Variants in ADCY2 observed in about 807,000 individuals in gnomAD.
ADCY2 encodes the protein adenylate cyclase 2, also known as adenylate cyclase type 2.
ADCY2 carries 31 observed loss-of-function variants against 125.2 expected under a neutral mutation model. The ratio of observed to expected loss-of-function variants is 0.25; its 90% CI spans 0.19 to 0.33. The LOEUF (loss-of-function observed/expected upper bound fraction) is 0.33. ADCY2 is among the 10% of genes least tolerant of loss of function. ADCY2 has a pLI of 1.00. For missense variants in ADCY2, 904 were observed against 1,418.2 expected, an observed-to-expected ratio of 0.64 and a Z score of 5.82; for synonymous variants, 512 against 548.4, an observed-to-expected ratio of 0.93 and a Z score of 0.93.
intron 14 of ADCY2, among the ~76,000 whole-genome samples, chr5:7,741,629 C>A (rs147913138): frequency 1.7e-3 from 5 of 2,906 alleles, no homozygotes; most frequent in Non-Finnish European, 1.6e-3. Flanking sequence ...ATCATTATCA[C>A]CATCATCATC....
At position 7,631,900 on chromosome 5, in the gene ADCY2, G is replaced by A. The variant is rs1738322384; in HGVS notation, c.720+5584G>A. Among the ~76,000 whole-genome samples, 3 of 152,150 alleles carry A rather than the reference G, an allele frequency of 2.0e-5. No individual in the cohort carries two copies. The South Asian group carries it at 6.2e-4, about 32-fold the overall frequency. The stretch of plus-strand genomic sequence containing the variant: ...TACCAACCCCATCTCTGCATGTTCA[G>A]TTTACCTTTTGCCAATGAAACGGAC... On this transcript the variant is annotated intron_variant, in intron 4 of 24. Transcript: ENST00000338316.
chr5:7,433,615 T>C (rs1287615472), intron 2 of ADCY2, among the ~76,000 whole-genome samples: 3 of 152,206 alleles, frequency 2.0e-5, no homozygotes, highest in African/African-American at 7.2e-5. Flanking sequence ...TAGATAACTT[T>C]TGTTTTTGTA....
chr5:7,408,826 C>T (rs1739602708), intron 1 of ADCY2, among the ~76,000 whole-genome samples: 1 of 152,128 alleles, frequency 6.6e-6, no homozygotes, highest in Non-Finnish European at 1.5e-5. Flanking sequence ...CGTTACGATT[C>T]CTCAAAGACC....
At chr5:7,438,345 G>T (rs1333964023) in intron 2 of ADCY2, among the ~76,000 whole-genome samples, 1 of 152,206 alleles carries the variant, frequency 6.6e-6, no homozygotes, top group Non-Finnish European at 1.5e-5. Context: ...CCCTCATGGA[G>T]CTTACACTCT....
chr5:7,677,700 T>A (rs1269406674), intron 4 of ADCY2, among the ~76,000 whole-genome samples: 1 of 152,130 alleles, frequency 6.6e-6, no homozygotes, highest in African/African-American at 2.4e-5. Context: ...AGCACAATCA[T>A]GGGATTGTTG....
At chr5:7,724,160 T>C (rs1391497744) in intron 12 of ADCY2, among the ~76,000 whole-genome samples, 1 of 136,638 alleles carries the variant, frequency 7.3e-6, no homozygotes, top group Non-Finnish European at 1.6e-5. Context: ...AGGAACTAGA[T>C]CCTTAAGGAG....
intron 11 of ADCY2, among the ~76,000 whole-genome samples, chr5:7,716,679 T>C (rs1486633771): frequency 2.0e-5 from 3 of 152,184 alleles, no homozygotes; most frequent in Non-Finnish European, 4.4e-5. Context: ...GCTTTTGACA[T>C]CATAGAAAAA....
intron 11 of ADCY2, among the ~76,000 whole-genome samples, chr5:7,715,236 C>G (rs1741560629): frequency 6.6e-6 from 1 of 152,224 alleles, no homozygotes; most frequent in African/African-American, 2.4e-5. Flanking sequence ...CATTTATTGG[C>G]TACTTTGCAT....
intron 4 of ADCY2, among the ~76,000 whole-genome samples, chr5:7,671,802 A>G (rs1193309655): frequency 6.6e-6 from 1 of 150,538 alleles, no homozygotes; most frequent in Non-Finnish European, 1.5e-5. Context: ...TTTTGGCTTT[A>G]TCTAAAAATA....
chr5:7,679,325 G>A (rs1740245774), intron 4 of ADCY2, among the ~76,000 whole-genome samples: 2 of 152,206 alleles, frequency 1.3e-5, no homozygotes, highest in African/African-American at 2.4e-5. Context: ...AAAGGAGGAG[G>A]AAGAAATAAA....
intron 2 of ADCY2, among the ~76,000 whole-genome samples, chr5:7,485,497 A>G (rs992128527): frequency 6.6e-6 from 1 of 152,222 alleles, no homozygotes; most frequent in Non-Finnish European, 1.5e-5. Flanking sequence ...AGAAAGAATT[A>G]TAATGCAAAG....
chr5:7,751,229 A>G (rs1742804523), intron 15 of ADCY2, among the ~76,000 whole-genome samples: 1 of 152,142 alleles, frequency 6.6e-6, no homozygotes, highest in African/African-American at 2.4e-5. Flanking sequence ...TCACTCATTC[A>G]TATGGATTAT....
At chr5:7,666,037 A>G (rs1243926461) in intron 4 of ADCY2, among the ~76,000 whole-genome samples, 2 of 150,152 alleles carry the variant, frequency 1.3e-5, no homozygotes, top group Non-Finnish European at 1.5e-5. Context: ...ACAGGGTTTC[A>G]CCATGTTAGC....
chr5:7,701,892 T>C (rs189300733), intron 7 of ADCY2, among the ~76,000 whole-genome samples: 1 of 152,308 alleles, frequency 6.6e-6, no homozygotes, highest in African/African-American at 2.4e-5. Flanking sequence ...TTTTTGATCA[T>C]TGATGCATCA....
intron 5 of ADCY2, chr5:7,691,991 C>T (rs1165525584): frequency 1.3e-5 from 2 of 152,300 alleles, no homozygotes; most frequent in African/African-American, 4.8e-5. Flanking sequence ...CTCACTATCA[C>T]AAGAACAGCA....
chr5:7,638,075 T>C (rs1738570248), intron 4 of ADCY2, among the ~76,000 whole-genome samples: 1 of 152,222 alleles, frequency 6.6e-6, no homozygotes, highest in South Asian at 2.1e-4. Context: ...ATCCTGAGCC[T>C]TTCTCACTAC....
At chr5:7,783,695 G>A (rs1415008348) in intron 18 of ADCY2, among the ~76,000 whole-genome samples, 1 of 152,154 alleles carries the variant, frequency 6.6e-6, no homozygotes, top group Non-Finnish European at 1.5e-5. Context: ...TCGCATGTCA[G>A]CATTTGAAGG....
rs79290178 is a variant in ADCY2, at chr5:7,613,252, C to T, written c.571-12915C>T. On this transcript the variant is annotated intron_variant, in intron 3 of 24. Transcript: ENST00000338316. ...AGAAGCCCTAGGAATCCCAGGAAACCAGAGATGGAGAAGGCACAAATAGCT... is the reference window on the plus strand; with the variant it reads ...AGAAGCCCTAGGAATCCCAGGAAACTAGAGATGGAGAAGGCACAAATAGCT... 6.5e-3 allele frequency among the ~76,000 whole-genome samples: 993 copies of T among 152,114 alleles called. 6 individuals are homozygous for T. The highest frequency in any genetic ancestry group is 0.023 in the African/African-American group (936 of 41,488).
At chr5:7,789,549 C>A in intron 19 of ADCY2, 93 bp from the exon 20 acceptor site, 1 of 1,332,024 alleles carries the variant, frequency 7.5e-7, no homozygotes, top group Non-Finnish European at 1.0e-6. Context: ...TTTTCGGTTT[C>A]ATTTTGTTCT....
Sources: allele counts gnomAD v4.1 joint callset (sites outside exome capture counted in the v4.1 genomes callset), GRCh38; gene constraint gnomAD v4.1.1; transcripts MANE v1.5; gene names NCBI Gene and HGNC (gene_info 2026-07-23, HGNC 2026-07-21).